Variants in HROB observed in about 807,000 individuals in gnomAD.
HROB encodes the protein homologous recombination factor with OB-fold.
In HROB, 44 loss-of-function variants were observed where a neutral mutation model predicts 61.0. The observed-to-expected ratio is 0.72, with a 90% CI of 0.57 to 0.93. The LOEUF (loss-of-function observed/expected upper bound fraction) is 0.93, where lower values mean the gene tolerates loss of function less well. Among genes scored for constraint, HROB ranks in the 40% least tolerant of loss-of-function variants. HROB has a pLI of 0.00. For missense variants in HROB, 716 were observed against 796.2 expected (o/e 0.90, Z 1.21); for synonymous variants, 301 against 310.4 (o/e 0.97, Z 0.32).
chr17:44,157,984 C>T, intron 9 of HROB, 43 bp downstream of exon 9: 1 of 1,413,370 alleles, frequency 7.1e-7, no homozygotes, highest in East Asian at 2.3e-5. Flanking sequence ...GGTTCTATTT[C>T]CTGTTGAATA....
At position 44,157,939 on chromosome 17, in the gene HROB, C is replaced by CTT. The variant is rs2054021276; in HGVS notation, c.1877_1878insTT (p.Asp627Ter). On this transcript the variant is annotated frameshift_variant and splice_region_variant, in exon 9 of 10. Transcript: ENST00000585683. LOFTEE classifies it high-confidence loss of function. ...TCCCCTGAGGAAGAACTCCCAGAAG[C>CTT]AGGTAAAGCAGTCAGCCCATCTGGG... The CTT allele has an allele frequency of 6.2e-7, 1 of 1,610,498 alleles. No homozygotes were observed. Among genetic ancestry groups the CTT allele is most frequent in the African/African-American group, 1.3e-5 (1 of 74,858 alleles).
chr17:44,146,045 G>A (rs534910944), intron 2 of HROB, among the ~76,000 whole-genome samples: 1 of 152,160 alleles, frequency 6.6e-6, no homozygotes, highest in Admixed American at 6.5e-5. Context: ...AGCCCCCACT[G>A]TGTGAACTTC....
chr17:44,158,790 C>T lies in HROB; in HGVS notation c.1879+849C>T, dbSNP rs567281301. ...CCTCCTGATTAGCTGGGACTACAGGCGCCCGCCACCATGCCCAGCTAATTT... is the reference window on the plus strand; with the variant it reads ...CCTCCTGATTAGCTGGGACTACAGGTGCCCGCCACCATGCCCAGCTAATTT... On this transcript the variant is annotated intron_variant, in intron 9 of 9. Transcript: ENST00000585683. Among the ~76,000 whole-genome samples, 29 of 152,210 alleles carry T rather than the reference C, an allele frequency of 1.9e-4. No homozygotes were observed. In the South Asian group the frequency reaches 4.8e-3, roughly 25 times the overall value.
Position 44,147,925 on chromosome 17 carries a change from G to T in HROB, c.122G>T (p.Arg41Leu), listed in dbSNP as rs373094846. ...GGCTCACTGCCTGTGAATGCTGGGC[G>T]CCTGAGACCTGTCTCTTCTAGGCCA... ...FTGSLPVNAG[R>L]LRPVSSRPQE... The change falls in exon 3 of 10, where the codon CGC becomes CTC. Residue 41 changes from arginine (R) to leucine (L), a missense_variant. By Grantham distance (102) the Arg-to-Leu change is moderately radical. Coordinates refer to ENST00000585683, the MANE Select transcript of HROB (RefSeq NM_001171251.3). 73 of 1,614,108 alleles carry T rather than the reference G, an allele frequency of 4.5e-5. No individual in the cohort carries two copies. The highest frequency in any genetic ancestry group is 6.2e-5 in the Non-Finnish European group (73 of 1,180,014).
At position 44,161,860 on chromosome 17, in the gene HROB, C is replaced by T. The variant is rs116304501; in HGVS notation, c.1880-11C>T. 2.9e-3 allele frequency: 4,682 copies of T among 1,613,540 alleles called. 21 individuals are homozygous for T. The highest frequency in any genetic ancestry group is 9.2e-3 in the Middle Eastern group (56 of 6,062). On this transcript the variant is annotated splice_polypyrimidine_tract_variant and intron_variant, in intron 9 of 9. Coordinates refer to ENST00000585683, the MANE Select transcript of HROB (RefSeq NM_001171251.3). ...TGTCACTAAGGCTACCCATCATTCC[C>T]CTCTCTGTAGATGACCTGGATGGAC...
intron 4 of HROB, among the ~76,000 whole-genome samples, chr17:44,152,262 G>C (rs926650031): frequency 1.6e-4 from 25 of 152,020 alleles, no homozygotes; most frequent in Admixed American, 2.0e-4. Context: ...TAACAGGTGT[G>C]AGCCACCGCG....
At chr17:44,144,819 G>A (rs1044180474) in intron 1 of HROB, among the ~76,000 whole-genome samples, 8 of 149,450 alleles carry the variant, frequency 5.4e-5, no homozygotes, top group African/African-American at 1.7e-4. Context: ...GGGTTCAAGC[G>A]ATTCTCCTGC....
chr17:44,144,387 C>T (rs538658460), intron 1 of HROB, among the ~76,000 whole-genome samples: 145 of 152,104 alleles, frequency 9.5e-4, no homozygotes, highest in African/African-American at 3.4e-3. Flanking sequence ...GATCCGCCCC[C>T]ACCTCAACCT....
intron 1 of HROB, 84 bp downstream of exon 1, chr17:44,142,229 C>T (rs2053466236): frequency 7.3e-7 from 1 of 1,378,850 alleles, no homozygotes. Flanking sequence ...AGCCCCTCGC[C>T]CGCGCAAGTT....
chr17:44,157,416 T>C lies in HROB; in HGVS notation c.1771-417T>C, dbSNP rs1375378857. ...CTTCCATCATGTTTCTTTTTTTTTTTTTTTTTTTTTTTTTGGAGCAAGGGT... is the reference window on the plus strand; with the variant it reads ...CTTCCATCATGTTTCTTTTTTTTTTCTTTTTTTTTTTTTTGGAGCAAGGGT... On this transcript the variant is annotated intron_variant, in intron 8 of 9. Transcript: ENST00000585683. Among the ~76,000 whole-genome samples, 40 of 147,178 alleles carry C rather than the reference T, an allele frequency of 2.7e-4. No individual in the cohort carries two copies. In the South Asian group the frequency reaches 3.5e-3, roughly 13 times the overall value.
chr17:44,150,985 A>G lies in HROB; in HGVS notation c.1249A>G (p.Ile417Val), dbSNP rs1315776306. 6.2e-7 allele frequency: 1 copy of G among 1,613,096 alleles called. No homozygotes were observed. Among genetic ancestry groups the G allele is most frequent in the South Asian group, 1.1e-5 (1 of 90,986 alleles). ...HQQSGRSLED[I>V]MVSAPQTPTH... is the part of the protein sequence containing the mutation. ...GCAGAGTGGGAGAAGTCTGGAGGACATCATGGTTTCCGCGCCCCAAACTCC... is the reference window on the plus strand; with the variant it reads ...GCAGAGTGGGAGAAGTCTGGAGGACGTCATGGTTTCCGCGCCCCAAACTCC... Residue 417 changes from isoleucine (I) to valine (V), a missense_variant, in exon 4 of 10, where the codon ATC becomes GTC. Transcript: ENST00000585683.
chr17:44,153,821 G>A lies in HROB; in HGVS notation c.1450-735G>A, dbSNP rs558861087. Among the ~76,000 whole-genome samples, 28 of 151,832 alleles carry A rather than the reference G, an allele frequency of 1.8e-4. 1 individual carries two copies. The South Asian group carries it at 1.9e-3, about 10-fold the overall frequency. On this transcript the variant is annotated intron_variant, in intron 5 of 9. Transcript: ENST00000585683. ...TCCCAGCACTTTGGGAGGCTGAGGC[G>A]GGCAGATCACTTGAGGTCAGGAGTT... is the stretch of plus-strand genomic sequence containing the variant.
At chr17:44,142,363 C>T (rs549573748) in intron 1 of HROB, among the ~76,000 whole-genome samples, 1 of 152,274 alleles carries the variant, frequency 6.6e-6, no homozygotes, top group South Asian at 2.1e-4. Flanking sequence ...CAGTTTCCCT[C>T]CTGTTGCCTT....
intron 5 of HROB, among the ~76,000 whole-genome samples, chr17:44,153,240 G>T (rs1445842726): frequency 2.0e-5 from 3 of 151,888 alleles, no homozygotes; most frequent in Non-Finnish European, 4.4e-5. Flanking sequence ...AAGGTCAGGA[G>T]TTCGAGACCA....
chr17:44,154,334 CA>C (rs1485228999), intron 5 of HROB: 6 of 506,464 alleles, frequency 1.2e-5, no homozygotes, highest in Non-Finnish European at 2.1e-5. Context: ...AACTCCCTCT[CA>C]AAAAATAAAA....
At chr17:44,151,455 T>C (rs1436104368) in intron 4 of HROB, among the ~76,000 whole-genome samples, 1 of 152,178 alleles carries the variant, frequency 6.6e-6, no homozygotes, top group Non-Finnish European at 1.5e-5. Context: ...AGACCCTGCT[T>C]CCCTTCTCCT....
intron 1 of HROB, 139 bp downstream of exon 1, chr17:44,142,284 TG>T: frequency 8.8e-7 from 1 of 1,142,132 alleles, no homozygotes; most frequent in East Asian, 3.1e-5. Context: ...TCGGGAGACC[TG>T]GGCTGTCGTC....
intron 8 of HROB, among the ~76,000 whole-genome samples, chr17:44,157,121 G>A: frequency 6.6e-6 from 1 of 152,070 alleles, no homozygotes; most frequent in East Asian, 1.9e-4. Flanking sequence ...TTAATTACCT[G>A]CCCATATATT....
At chr17:44,161,044 T>C (rs1372236343) in intron 9 of HROB, among the ~76,000 whole-genome samples, 1 of 151,592 alleles carries the variant, frequency 6.6e-6, no homozygotes, top group African/African-American at 2.4e-5. Context: ...CTACTAAAAA[T>C]ATAAAAAATT....
Sources: allele counts gnomAD v4.1 joint callset (sites outside exome capture counted in the v4.1 genomes callset), GRCh38; gene constraint gnomAD v4.1.1; transcripts MANE v1.5; gene names NCBI Gene and HGNC (gene_info 2026-07-23, HGNC 2026-07-21).